The following OTOGL variants were observed in gnomAD, a reference collection of about 807,000 sequenced individuals.
OTOGL encodes the protein otogelin like.
Under a neutral mutation model 318.5 loss-of-function variants are expected in OTOGL, and 285 were observed. The observed-to-expected ratio is 0.89, with a 90% CI of 0.81 to 0.99. OTOGL has a LOEUF of 0.99. Ranked by LOEUF, OTOGL falls within the 50% of genes least tolerant of loss-of-function variation. OTOGL has a pLI of 0.00. For synonymous variants in OTOGL, 987 were observed against 936.5 expected, an observed-to-expected ratio of 1.05 and a Z score of -0.99; for missense variants, 2,899 against 2,845.6, an observed-to-expected ratio of 1.02 and a Z score of -0.43.
chr12:80,222,534 C>T (rs1878450224), intron 7 of OTOGL, among the ~76,000 whole-genome samples: 2 of 152,094 alleles, frequency 1.3e-5, no homozygotes, highest in South Asian at 2.1e-4. Context: ...CACAGGCTAT[C>T]GGATGTGAAG....
At chr12:80,214,338 C>A (rs1463674598) in intron 4 of OTOGL, among the ~76,000 whole-genome samples, 1 of 152,216 alleles carries the variant, frequency 6.6e-6, no homozygotes, top group Non-Finnish European at 1.5e-5. Context: ...GGAGCTCAGT[C>A]TTATTGGAGA....
At chr12:80,205,134 G>A (rs1261680551) in intron 1 of OTOGL, among the ~76,000 whole-genome samples, 1 of 152,070 alleles carries the variant, frequency 6.6e-6, no homozygotes, top group Admixed American at 6.5e-5. Flanking sequence ...AAGATATAAA[G>A]GAATTCAAAG....
At chr12:80,210,006 A>G (rs1877125690) in intron 2 of OTOGL, among the ~76,000 whole-genome samples, 1 of 152,142 alleles carries the variant, frequency 6.6e-6, no homozygotes, top group East Asian at 1.9e-4. Context: ...AAAAATAACT[A>G]ACATCTGGGG....
At chr12:80,208,078 T>A in intron 1 of OTOGL, 1 of 446,254 alleles carries the variant, frequency 2.2e-6, no homozygotes, top group South Asian at 1.6e-5. Flanking sequence ...GTGTGTGTGC[T>A]GGAGGGGGGA....
intron 21 of OTOGL, 48 bp from the exon 22 acceptor site, chr12:80,267,204 GT>G: frequency 7.8e-7 from 1 of 1,287,762 alleles, no homozygotes; most frequent in Non-Finnish European, 1.1e-6. Context: ...AATTTTAGTG[GT>G]TTTTGAAAAA....
Position 80,181,298 on chromosome 12 carries a change from C to T in OTOGL, c.-19-28115C>T, listed in dbSNP as rs182391027. The stretch of plus-strand genomic sequence containing the variant: ...TTCAGTTTTTTGTTTCCTCCCCTTA[C>T]CCCTGTATTTAGATTTTTCTTTTTA... On this transcript the variant is annotated intron_variant, in intron 1 of 58. Coordinates refer to ENST00000547103, the MANE Select transcript of OTOGL (RefSeq NM_001378609.3). Among the ~76,000 whole-genome samples the T allele has an allele frequency of 1.8e-3, 275 of 151,720 alleles. 2 individuals are homozygous for T. Among genetic ancestry groups the T allele is most frequent in the African/African-American group, 6.5e-3 (269 of 41,244 alleles).
At chr12:80,212,352 G>C (rs941486611) in intron 4 of OTOGL, among the ~76,000 whole-genome samples, 1 of 152,060 alleles carries the variant, frequency 6.6e-6, no homozygotes, top group Non-Finnish European at 1.5e-5. Context: ...AATGTACATG[G>C]AAAAAGGGGC....
intron 11 of OTOGL, among the ~76,000 whole-genome samples, chr12:80,249,637 C>G (rs926870717): frequency 1.3e-5 from 2 of 152,104 alleles, no homozygotes; most frequent in African/African-American, 4.8e-5. Context: ...TGCCCTGCCA[C>G]CATAGGTGGA....
chr12:80,241,132 AG>A (rs1460269849), intron 11 of OTOGL, among the ~76,000 whole-genome samples: 2 of 152,118 alleles, frequency 1.3e-5, no homozygotes, highest in Admixed American at 1.3e-4. Context: ...CAAAGAGGAA[AG>A]GTTGAGGTAG....
At chr12:80,193,412 A>T (rs1167037278) in intron 1 of OTOGL, among the ~76,000 whole-genome samples, 1 of 152,072 alleles carries the variant, frequency 6.6e-6, no homozygotes, top group Non-Finnish European at 1.5e-5. Context: ...GTTACTCGGG[A>T]GGCTGAGGCA....
chr12:80,346,925 A>G (rs1889234431), intron 44 of OTOGL, among the ~76,000 whole-genome samples: 1 of 152,186 alleles, frequency 6.6e-6, no homozygotes, highest in Non-Finnish European at 1.5e-5. Context: ...GAAATTCTTG[A>G]TGGCTTGTTG....
chr12:80,323,617 C>A (rs564751366), intron 34 of OTOGL, 106 bp from the exon 35 acceptor site: 6 of 857,746 alleles, frequency 7.0e-6, no homozygotes, highest in Non-Finnish European at 9.2e-6. Context: ...CCACTGCGCT[C>A]GAGCCTGAGT....
intron 1 of OTOGL, among the ~76,000 whole-genome samples, chr12:80,118,276 T>G (rs922921369): frequency 6.6e-6 from 1 of 152,186 alleles, no homozygotes; most frequent in Non-Finnish European, 1.5e-5. Flanking sequence ...AGCTCTTTGA[T>G]CATACAAATC....
chr12:80,364,346 C>T (rs763982014), intron 52 of OTOGL, among the ~76,000 whole-genome samples: 13 of 152,102 alleles, frequency 8.5e-5, no homozygotes, highest in Admixed American at 5.2e-4. Context: ...TTCACATAGA[C>T]GAATGTGTTT....
At chr12:80,203,313 C>T (rs1169810600) in intron 1 of OTOGL, among the ~76,000 whole-genome samples, 1 of 152,032 alleles carries the variant, frequency 6.6e-6, no homozygotes, top group African/African-American at 2.4e-5. Context: ...TTTCTGACTG[C>T]TTTTTCCATC....
At chr12:80,180,079 C>A (rs748818946) in intron 1 of OTOGL, among the ~76,000 whole-genome samples, 10 of 152,168 alleles carry the variant, frequency 6.6e-5, no homozygotes, top group Admixed American at 6.6e-5. Context: ...AGTAAGGAGG[C>A]CTTGGTGGCC....
At position 80,377,860 on chromosome 12, in the gene OTOGL, T is replaced by A; in HGVS notation, c.6874T>A (p.Ser2292Thr). Residue 2292 changes from serine (S) to threonine (T), a missense_variant, in exon 59 of 59, where the codon TCT (serine) becomes ACT (threonine). Transcript: ENST00000547103. The stretch of plus-strand genomic sequence containing the variant: ...TCACTTCTTACAGATAAATGTTGCA[T>A]CTTGTGACGGCAAATGCCCATCAGC... ...CMSQSPINVA[S>T]CDGKCPSATI... 6.2e-7 allele frequency: 1 copy of A among 1,608,302 alleles called. No individual in the cohort carries two copies.
At chr12:80,239,892 C>G (rs1404959145) in intron 11 of OTOGL, among the ~76,000 whole-genome samples, 1 of 137,516 alleles carries the variant, frequency 7.3e-6, no homozygotes, top group Non-Finnish European at 1.6e-5. Context: ...CTCTCCTACC[C>G]TTCCTGGACT....
At chr12:80,325,416 G>A (rs1887617829) in intron 35 of OTOGL, among the ~76,000 whole-genome samples, 2 of 152,210 alleles carry the variant, frequency 1.3e-5, no homozygotes, top group Non-Finnish European at 2.9e-5. Context: ...AACATGAACT[G>A]TGCCAAGTGC....
Sources: allele counts gnomAD v4.1 joint callset (sites outside exome capture counted in the v4.1 genomes callset), GRCh38; gene constraint gnomAD v4.1.1; transcripts MANE v1.5; gene names NCBI Gene and HGNC (gene_info 2026-07-23, HGNC 2026-07-21).